PI4KA: variants seen among roughly 807,000 people sequenced by gnomAD.
PI4KA encodes PI4-kinase alpha.
A neutral mutation model predicts 271.4 loss-of-function variants in PI4KA; 122 were observed. That is an observed-to-expected ratio of 0.45 (90% CI 0.39 to 0.52). The LOEUF is 0.52. PI4KA is among the 20% of genes least tolerant of loss of function. The probability of loss-of-function intolerance (pLI) is 0.00; values close to 1 mark genes in which losing one functional copy is unlikely to be tolerated. For missense variants in PI4KA, 1,969 were observed against 2,769.1 expected, an observed-to-expected ratio of 0.71 and a Z score of 6.48; for synonymous variants, 1,041 against 1,078.8, an observed-to-expected ratio of 0.96 and a Z score of 0.69.
At chr22:20,778,765 T>TA (rs1933507934) in intron 19 of PI4KA, among the ~76,000 whole-genome samples, 2 of 152,126 alleles carry the variant, frequency 1.3e-5, no homozygotes, top group Non-Finnish European at 2.9e-5. Context: ...GCCCAGCTCT[T>TA]AGTGAGGTTT....
Position 20,818,210 on chromosome 22 carries a change from T to C in PI4KA, c.856+273A>G, listed in dbSNP as rs178051. On this transcript the variant is annotated intron_variant, in intron 7 of 54. Transcript: ENST00000255882. ...AAAGTGCAAAAATTCTGATGGCAGG[T>C]ATATAGGGGTCTGTAAGTTATTTTC... is the stretch of plus-strand genomic sequence containing the variant. 0.059 allele frequency among the ~76,000 whole-genome samples: 8,912 copies of C among 152,240 alleles called. 397 individuals carry two copies. Among genetic ancestry groups the C allele is most frequent in the Middle Eastern group, 0.16 (46 of 294 alleles).
intron 19 of PI4KA, among the ~76,000 whole-genome samples, chr22:20,777,382 A>AT (rs1933388904): frequency 6.6e-6 from 1 of 151,800 alleles, no homozygotes; most frequent in Admixed American, 6.6e-5. Flanking sequence ...ACGCCGGCTA[A>AT]TTTTTTTGTA....
intron 3 of PI4KA, among the ~76,000 whole-genome samples, chr22:20,828,793 TCCGCCCACCTCGG>T (rs1923778275): frequency 6.6e-6 from 1 of 152,162 alleles, no homozygotes; most frequent in Non-Finnish European, 1.5e-5. Flanking sequence ...GACCTCGTAA[TCCGCCCACCTCGG>T]CCTCCCAAAG....
chr22:20,852,579 A>C (rs1197745702), intron 1 of PI4KA, among the ~76,000 whole-genome samples: 1 of 152,080 alleles, frequency 6.6e-6, no homozygotes, highest in Non-Finnish European at 1.5e-5. Context: ...TTTCTTCTTA[A>C]AATATTTTCT....
chr22:20,847,112 C>T (rs574915384), intron 1 of PI4KA, among the ~76,000 whole-genome samples: 2 of 149,554 alleles, frequency 1.3e-5, no homozygotes, highest in East Asian at 4.0e-4. Flanking sequence ...CACGCCACTG[C>T]ACTCCAGACT....
rs113678267 is a variant in PI4KA, at chr22:20,815,874, G to A, written c.857-2368C>T. On this transcript the variant is annotated intron_variant, in intron 7 of 54. Coordinates refer to ENST00000255882, the MANE Select transcript of PI4KA (RefSeq NM_058004.4). ...ACAGAGGACACAGATGATGGCAAACGACAGGGGCTGCAGGAACTAGGGACC... is the reference window on the plus strand; with the variant it reads ...ACAGAGGACACAGATGATGGCAAACAACAGGGGCTGCAGGAACTAGGGACC... 7.4e-3 allele frequency among the ~76,000 whole-genome samples: 1,121 copies of A among 152,224 alleles called. 12 individuals carry two copies. Among genetic ancestry groups the A allele is most frequent in the African/African-American group, 0.025 (1,044 of 41,550 alleles).
At chr22:20,822,120 C>T (rs984142856) in intron 4 of PI4KA, among the ~76,000 whole-genome samples, 6 of 152,178 alleles carry the variant, frequency 3.9e-5, no homozygotes, top group Admixed American at 1.3e-4. Context: ...TGATAGCTCA[C>T]TGTAGCCTCA....
At chr22:20,750,187 G>A (rs962705946) in intron 27 of PI4KA, among the ~76,000 whole-genome samples, 193 bp from the exon 28 acceptor site, 13 of 152,216 alleles carry the variant, frequency 8.5e-5, no homozygotes, top group Admixed American at 3.3e-4. Context: ...TGATAGGGTA[G>A]GTCCTGATCC....
intron 6 of PI4KA, among the ~76,000 whole-genome samples, chr22:20,819,374 G>A (rs535282030): frequency 6.6e-6 from 1 of 151,476 alleles, no homozygotes; most frequent in East Asian, 1.9e-4. Flanking sequence ...GAACATAATG[G>A]CGATAAGGCT....
intron 19 of PI4KA, among the ~76,000 whole-genome samples, chr22:20,789,550 G>A (rs371084331): frequency 5.9e-5 from 9 of 152,146 alleles, no homozygotes; most frequent in South Asian, 2.1e-4. Context: ...GGCTGGTCTC[G>A]AACTCCTGAC....
In PI4KA at chr22:20,841,085, A is replaced by T. The variant is rs143140185; in HGVS notation, c.157-2354T>A. 4.0e-3 allele frequency among the ~76,000 whole-genome samples: 605 copies of T among 152,202 alleles called. 5 individuals are homozygous for T. Among genetic ancestry groups the T allele is most frequent in the Non-Finnish European group, 6.8e-3 (461 of 67,992 alleles). ...AAGCCAGCTAAAACCCACCAAAACCAAGATGTCTGGTCTCGAACTCCTTAT... is the reference window on the plus strand; with the variant it reads ...AAGCCAGCTAAAACCCACCAAAACCTAGATGTCTGGTCTCGAACTCCTTAT... On this transcript the variant is annotated intron_variant, in intron 1 of 54. Transcript: ENST00000255882.
intron 19 of PI4KA, among the ~76,000 whole-genome samples, chr22:20,785,474 A>C (rs895417108): frequency 9.2e-5 from 14 of 152,186 alleles, no homozygotes; most frequent in Admixed American, 3.9e-4. Flanking sequence ...TTGCACCTTA[A>C]ATCTCTTTAT....
rs143255855 is a variant in PI4KA, at chr22:20,846,618, G to A, written c.157-7887C>T. On this transcript the variant is annotated intron_variant, in intron 1 of 54. Transcript: ENST00000255882. Reference sequence around the variant, plus strand: ...AGCACTTTGGGAGGCCAAGGCGGGTGGATCACTTTAGGTCAGGAGTTCAAG... The same window carrying A: ...AGCACTTTGGGAGGCCAAGGCGGGTAGATCACTTTAGGTCAGGAGTTCAAG... Among the ~76,000 whole-genome samples the A allele has an allele frequency of 7.0e-3, 1,063 of 152,008 alleles. 13 individuals are homozygous for A. Among genetic ancestry groups the A allele is most frequent in the African/African-American group, 0.024 (986 of 41,440 alleles).
At chr22:20,781,173 C>A (rs1473704599) in intron 19 of PI4KA, among the ~76,000 whole-genome samples, 1 of 152,168 alleles carries the variant, frequency 6.6e-6, no homozygotes, top group Non-Finnish European at 1.5e-5. Flanking sequence ...ATCACACACA[C>A]ATAGGACCCC....
chr22:20,810,869 AC>A, intron 9 of PI4KA, 97 bp downstream of exon 9: 1 of 903,588 alleles, frequency 1.1e-6, no homozygotes, highest in Non-Finnish European at 1.9e-6. Flanking sequence ...ACACTGCAAA[AC>A]CCCTTCCACT....
chr22:20,789,661 G>C (rs944656991), intron 19 of PI4KA, among the ~76,000 whole-genome samples: 11 of 152,178 alleles, frequency 7.2e-5, no homozygotes, highest in Non-Finnish European at 2.9e-5. Context: ...CTTGGTTTTA[G>C]CAAGAACTAG....
chr22:20,822,562 C>A (rs944722065), intron 4 of PI4KA, among the ~76,000 whole-genome samples: 2 of 152,214 alleles, frequency 1.3e-5, no homozygotes, highest in African/African-American at 4.8e-5. Flanking sequence ...TCATTCACAG[C>A]ACTAGCTTGT....
At chr22:20,740,636 T>C (rs1454148003) in intron 32 of PI4KA, among the ~76,000 whole-genome samples, 1 of 152,056 alleles carries the variant, frequency 6.6e-6, no homozygotes, top group African/African-American at 2.4e-5. Context: ...ATCCAACAAG[T>C]AGTCAAAAGA....
intron 12 of PI4KA, 58 bp downstream of exon 12, chr22:20,804,242 G>A: frequency 8.7e-7 from 1 of 1,149,918 alleles, no homozygotes; most frequent in Admixed American, 1.7e-5. Flanking sequence ...GCAACAGCGT[G>A]ACAAGAGGGA....
Sources: allele counts gnomAD v4.1 joint callset (sites outside exome capture counted in the v4.1 genomes callset), GRCh38; gene constraint gnomAD v4.1.1; transcripts MANE v1.5; gene names NCBI Gene and HGNC (gene_info 2026-07-23, HGNC 2026-07-21).